TGFBR2: variants seen among roughly 807,000 people sequenced by gnomAD.
TGFBR2 encodes transforming growth factor beta receptor 2.
A neutral mutation model predicts 49.0 loss-of-function variants in TGFBR2; 18 were observed. The observed-to-expected ratio is 0.37, with a 90% CI of 0.25 to 0.54. The LOEUF (loss-of-function observed/expected upper bound fraction) is 0.54, where lower values mean the gene tolerates loss of function less well. Among genes scored for constraint, TGFBR2 ranks in the 20% least tolerant of loss-of-function variants. TGFBR2 has a pLI of 0.85. For synonymous variants in TGFBR2, 282 were observed against 275.9 expected, an observed-to-expected ratio of 1.02 and a Z score of -0.22; for missense variants, 525 against 722.6, an observed-to-expected ratio of 0.73 and a Z score of 3.13.
chr3:30,653,056 C>G (rs74512715), intron 3 of TGFBR2, among the ~76,000 whole-genome samples: 2 of 152,030 alleles, frequency 1.3e-5, no homozygotes, highest in Non-Finnish European at 2.9e-5. Flanking sequence ...TCACAGCTGA[C>G]GACTCAAATG....
intron 3 of TGFBR2, 108 bp from the exon 4 acceptor site, chr3:30,671,530 A>C: frequency 1.8e-6 from 2 of 1,133,490 alleles, no homozygotes; most frequent in Non-Finnish European, 2.6e-6. Context: ...TATCTACAAA[A>C]ACTATGCAGA....
chr3:30,648,968 G>C (rs767992902), intron 2 of TGFBR2, among the ~76,000 whole-genome samples: 1 of 152,190 alleles, frequency 6.6e-6, no homozygotes, highest in Admixed American at 6.5e-5. Context: ...GGTGCAAGCT[G>C]TGTCTTAGCT....
chr3:30,626,965 A>C (rs1270236996), intron 1 of TGFBR2, among the ~76,000 whole-genome samples: 1 of 152,218 alleles, frequency 6.6e-6, no homozygotes, highest in African/African-American at 2.4e-5. Flanking sequence ...GTTTGGGCTA[A>C]ATTCTCTGAG....
chr3:30,635,543 A>T (rs1698511565), intron 1 of TGFBR2, among the ~76,000 whole-genome samples: 1 of 152,200 alleles, frequency 6.6e-6, no homozygotes. Flanking sequence ...TATGTTTGTC[A>T]CTGGAGAAAG....
chr3:30,608,056 A>G (rs1697963059), intron 1 of TGFBR2, among the ~76,000 whole-genome samples: 1 of 151,100 alleles, frequency 6.6e-6, no homozygotes, highest in Admixed American at 6.6e-5. Flanking sequence ...CTCCTGCCTT[A>G]GCCTCCCGAG....
At chr3:30,670,418 T>C (rs1341119036) in intron 3 of TGFBR2, among the ~76,000 whole-genome samples, 2 of 152,234 alleles carry the variant, frequency 1.3e-5, no homozygotes, top group Non-Finnish European at 1.5e-5. Context: ...AGTAGTGATA[T>C]ATTTAATGAA....
At chr3:30,616,092 T>C (rs1411982175) in intron 1 of TGFBR2, among the ~76,000 whole-genome samples, 25 of 152,174 alleles carry the variant, frequency 1.6e-4, no homozygotes, top group Admixed American at 1.6e-3. Context: ...CTTAATTTTA[T>C]ATTCACTTTA....
At chr3:30,621,239 C>T (rs1021332801) in intron 1 of TGFBR2, among the ~76,000 whole-genome samples, 3 of 148,116 alleles carry the variant, frequency 2.0e-5, no homozygotes, top group Non-Finnish European at 4.5e-5. Context: ...CCTGCTCTAT[C>T]TATAGAGGAA....
chr3:30,634,622 G>A (rs747362322), intron 1 of TGFBR2, among the ~76,000 whole-genome samples: 2 of 152,184 alleles, frequency 1.3e-5, no homozygotes, highest in Non-Finnish European at 1.5e-5. Flanking sequence ...TCCGTCAGTC[G>A]TGTATCATTA....
chr3:30,622,879 C>CAAAAAAA (rs10575244), intron 1 of TGFBR2, among the ~76,000 whole-genome samples: 8 of 75,620 alleles, frequency 1.1e-4, no homozygotes, highest in African/African-American at 1.1e-4. Flanking sequence ...GACTTTGTCT[C>CAAAAAAA]AAAAAAAAAA....
At chr3:30,623,112 C>CATT in intron 1 of TGFBR2, 1 of 748,788 alleles carries the variant, frequency 1.3e-6, no homozygotes, top group Non-Finnish European at 2.4e-6. Context: ...TAGAAAGCTT[C>CATT]ATTATTTTCA....
At chr3:30,663,927 A>G (rs1270218210) in intron 3 of TGFBR2, among the ~76,000 whole-genome samples, 1 of 136,502 alleles carries the variant, frequency 7.3e-6, no homozygotes, top group African/African-American at 2.7e-5. Flanking sequence ...CAAGTATATT[A>G]TTTTAAATAC....
intron 3 of TGFBR2, chr3:30,661,521 A>T: frequency 4.1e-6 from 2 of 493,606 alleles, no homozygotes; most frequent in South Asian, 3.0e-5. Flanking sequence ...CAATTTTCTA[A>T]AACTTGACAG....
intron 3 of TGFBR2, among the ~76,000 whole-genome samples, chr3:30,663,815 C>T (rs1481167967): frequency 6.6e-6 from 1 of 152,062 alleles, no homozygotes; most frequent in Non-Finnish European, 1.5e-5. Flanking sequence ...TTGTTTTATG[C>T]ACTTTTCTGT....
intron 3 of TGFBR2, among the ~76,000 whole-genome samples, chr3:30,653,159 C>T (rs936096342): frequency 6.6e-6 from 1 of 152,014 alleles, no homozygotes; most frequent in African/African-American, 2.4e-5. Flanking sequence ...GATATTTCTT[C>T]CACCTAAAAC....
chr3:30,628,251 TCTC>T (rs1410064255), intron 1 of TGFBR2, among the ~76,000 whole-genome samples: 18 of 152,122 alleles, frequency 1.2e-4, no homozygotes, highest in Middle Eastern at 3.4e-3. Context: ...GTTACAAACT[TCTC>T]CTGGAAATTC....
intron 6 of TGFBR2, among the ~76,000 whole-genome samples, 168 bp from the exon 7 acceptor site, chr3:30,691,252 A>G (rs565359343): frequency 2.6e-5 from 4 of 152,334 alleles, no homozygotes; most frequent in South Asian, 2.1e-4. Context: ...CCCTTTCCAC[A>G]TGGAACTGGC....
In TGFBR2 at chr3:30,691,555, G is replaced by T; in HGVS notation, c.1660G>T (p.Glu554Ter). The change falls in exon 7 of 7, where the codon GAG becomes TAG. Residue 554 changes from glutamate (E) to a stop codon, truncating the protein, a stop_gained. Coordinates refer to ENST00000295754, the MANE Select transcript of TGFBR2 (RefSeq NM_003242.6). LOFTEE classifies it high-confidence loss of function. ...LDRLSGRSCS[E>*]EKIPEDGSLN... ...CAGGCTCTCGGGGAGGAGCTGCTCGGAGGAGAAGATTCCTGAAGACGGCTC... is the reference window on the plus strand; with the variant it reads ...CAGGCTCTCGGGGAGGAGCTGCTCGTAGGAGAAGATTCCTGAAGACGGCTC... 6.2e-7 allele frequency: 1 copy of T among 1,614,106 alleles called. No homozygotes were observed. Among genetic ancestry groups the T allele is most frequent in the Non-Finnish European group, 8.5e-7 (1 of 1,179,978 alleles).
chr3:30,674,858 G>A (rs73823669), intron 5 of TGFBR2, among the ~76,000 whole-genome samples: 78 of 152,056 alleles, frequency 5.1e-4, no homozygotes, highest in African/African-American at 1.9e-3. Flanking sequence ...TTATCCCCAA[G>A]TTCAGCCACC....
Sources: allele counts gnomAD v4.1 joint callset (sites outside exome capture counted in the v4.1 genomes callset), GRCh38; gene constraint gnomAD v4.1.1; transcripts MANE v1.5; gene names NCBI Gene and HGNC (gene_info 2026-07-23, HGNC 2026-07-21).